Variants in CYP4Z1 observed in about 807,000 individuals in gnomAD.
The protein encoded by CYP4Z1 is cytochrome P450 4Z1.
CYP4Z1 carries 41 observed loss-of-function variants against 54.2 expected under a neutral mutation model. That is an observed-to-expected ratio of 0.76 (90% confidence interval 0.59 to 0.98). CYP4Z1 has a LOEUF of 0.98. Ranked by LOEUF, CYP4Z1 falls within the 50% of genes least tolerant of loss-of-function variation. CYP4Z1 has a pLI of 0.00. For missense variants in CYP4Z1, 513 were observed against 599.0 expected (o/e 0.86, Z 1.50); for synonymous variants, 163 against 206.2 (o/e 0.79, Z 1.79).
At chr1:47,096,083 A>G (rs139819081) in intron 7 of CYP4Z1, among the ~76,000 whole-genome samples, 5,187 of 152,252 alleles carry the variant, frequency 0.034, 275 homozygotes, top group African/African-American at 0.11. Flanking sequence ...TGGATTTGGA[A>G]GTGAAATAGA....
At chr1:47,117,677 A>T in intron 11 of CYP4Z1, 89 bp from the exon 12 acceptor site, 2 of 1,398,162 alleles carry the variant, frequency 1.4e-6, no homozygotes, top group South Asian at 3.5e-5. Context: ...GTTTCCCTAC[A>T]AAAGTCGTCA....
At chr1:47,061,524 A>T in the CYP4Z1 span, among the ~76,000 whole-genome samples, 10,977 of 152,262 alleles carry the variant, frequency 0.072, 516 homozygotes, top group East Asian at 0.22. Context: ...GAGCTTCAAA[A>T]TTGAATGAGT....
At position 47,067,668 on chromosome 1, in the gene CYP4Z1, GTAAGAGGAGAAAAT is replaced by G; in HGVS notation, c.177+4_177+17del. The stretch of plus-strand genomic sequence containing the variant: ...CCACTGGTTCTATGGCCACAAGGAG[GTAAGAGGAGAAAAT>G]TAGTTGGGGAGGTTAAGGGACAGAA... On this transcript the variant is annotated splice_donor_variant and splice_donor_5th_base_variant and intron_variant, in intron 1 of 11. Coordinates refer to ENST00000334194, the MANE Select transcript of CYP4Z1 (RefSeq NM_178134.3). LOFTEE classifies it high-confidence loss of function. The G allele has an allele frequency of 6.3e-7, 1 of 1,594,268 alleles. No individual in the cohort carries two copies.
intron 7 of CYP4Z1, among the ~76,000 whole-genome samples, chr1:47,097,676 C>G (rs1644688120): frequency 6.6e-6 from 1 of 152,032 alleles, no homozygotes; most frequent in Non-Finnish European, 1.5e-5. Context: ...TGTGTCTGTT[C>G]TTGTACCAGT....
upstream of CYP4Z1, among the ~76,000 whole-genome samples, chr1:47,062,668 C>T (rs978621640): frequency 3.3e-5 from 5 of 152,156 alleles, no homozygotes; most frequent in African/African-American, 9.6e-5. Context: ...CACCCCCATC[C>T]CCCACAACAG....
chr1:47,069,288 A>G (rs1644474955), intron 2 of CYP4Z1, among the ~76,000 whole-genome samples: 1 of 152,272 alleles, frequency 6.6e-6, no homozygotes. Flanking sequence ...TGGCCGTGGC[A>G]AGATGTGTGT....
At chr1:47,110,143 GC>G (rs1644783346) in intron 9 of CYP4Z1, among the ~76,000 whole-genome samples, 1 of 123,752 alleles carries the variant, frequency 8.1e-6, no homozygotes, top group African/African-American at 3.2e-5. Flanking sequence ...TCCCTCAATA[GC>G]CAATAACAGA....
chr1:47,073,760 G>A (rs1191364670), intron 2 of CYP4Z1, among the ~76,000 whole-genome samples: 1 of 151,358 alleles, frequency 6.6e-6, no homozygotes, highest in African/African-American at 2.4e-5. Flanking sequence ...CTTTGGAGAT[G>A]TCTATTCAAG....
rs1042047771 is a variant in CYP4Z1, at chr1:47,116,169, T to G, written c.1267-481T>G. Among the ~76,000 whole-genome samples the G allele has an allele frequency of 6.8e-4, 103 of 152,176 alleles. 1 individual carries two copies. The highest frequency in any genetic ancestry group is 1.9e-3 in the South Asian group (9 of 4,808). ...CTAATCGGCAGCCTCTCACAGAGACTTTCGGGCAGAAGCTGAACAACTTCA... is the reference window on the plus strand; with the variant it reads ...CTAATCGGCAGCCTCTCACAGAGACGTTCGGGCAGAAGCTGAACAACTTCA... On this transcript the variant is annotated intron_variant, in intron 10 of 11. Transcript: ENST00000334194.
intron 2 of CYP4Z1, among the ~76,000 whole-genome samples, chr1:47,077,117 G>A (rs980703311): frequency 6.6e-6 from 1 of 151,768 alleles, no homozygotes; most frequent in Admixed American, 6.6e-5. Context: ...TGTTGTTCAA[G>A]TTCTCTATTT....
intron 1 of CYP4Z1, 51 bp downstream of exon 1, chr1:47,067,718 T>G: frequency 6.7e-7 from 1 of 1,493,760 alleles, no homozygotes; most frequent in Non-Finnish European, 9.0e-7. Context: ...AGATGAGGTA[T>G]TAAAAAAAAA....
At chr1:47,086,152 A>G (rs1644592791) in intron 6 of CYP4Z1, among the ~76,000 whole-genome samples, 1 of 152,286 alleles carries the variant, frequency 6.6e-6, no homozygotes, top group Non-Finnish European at 1.5e-5. Flanking sequence ...CACAGTAAAC[A>G]CACGTGTGCA....
chr1:47,057,367 T>A, the CYP4Z1 span, among the ~76,000 whole-genome samples: 86 of 119,092 alleles, frequency 7.2e-4, 1 homozygote, highest in Admixed American at 3.6e-3. Flanking sequence ...TATATATATA[T>A]ATATATATAT....
rs1020313144 is a variant in CYP4Z1 at position 47,067,301 on chromosome 1, G to A, written c.-190G>A. On this transcript the variant is annotated 5_prime_UTR_variant, in exon 1 of 12. Coordinates refer to ENST00000334194, the MANE Select transcript of CYP4Z1 (RefSeq NM_178134.3). ...TGTTCTTCTAGAATCCAGGTCTGCTGGCCAACATCTCAGCAGTTTTCACCC... is the reference window on the plus strand; with the variant it reads ...TGTTCTTCTAGAATCCAGGTCTGCTAGCCAACATCTCAGCAGTTTTCACCC... Among the ~76,000 whole-genome samples the A allele has an allele frequency of 6.6e-6, 1 of 152,168 alleles. No individual in the cohort carries two copies. The highest frequency in any genetic ancestry group is 2.4e-5 in the African/African-American group (1 of 41,444).
At chr1:47,057,862 G>A in the CYP4Z1 span, among the ~76,000 whole-genome samples, 3 of 151,626 alleles carry the variant, frequency 2.0e-5, no homozygotes, top group Admixed American at 1.3e-4. Context: ...CTGTTTCTTT[G>A]TATGGCTAGT....
At chr1:47,076,294 C>T (rs1256312517) in intron 2 of CYP4Z1, among the ~76,000 whole-genome samples, 3 of 151,388 alleles carry the variant, frequency 2.0e-5, no homozygotes, top group Non-Finnish European at 4.4e-5. Flanking sequence ...TTTACCTCAG[C>T]TCTAATCTTT....
At chr1:47,117,685 T>C in intron 11 of CYP4Z1, 81 bp from the exon 12 acceptor site, 1 of 1,432,744 alleles carries the variant, frequency 7.0e-7, no homozygotes, top group Non-Finnish European at 9.3e-7. Flanking sequence ...ACAAAAGTCG[T>C]CATATATAAA....
intron 8 of CYP4Z1, among the ~76,000 whole-genome samples, chr1:47,100,203 A>T (rs1644711319): frequency 6.6e-6 from 1 of 152,114 alleles, no homozygotes; most frequent in Non-Finnish European, 1.5e-5. Context: ...GGTCATTTTC[A>T]TTCCTCTATG....
chr1:47,086,044 T>C lies in CYP4Z1; in HGVS notation c.772+1066T>C, dbSNP rs1644591937. Among the ~76,000 whole-genome samples the C allele has an allele frequency of 2.0e-5, 3 of 152,080 alleles. 1 individual carries two copies. The South Asian group carries it at 6.2e-4, about 32-fold the overall frequency. Reference sequence around the variant, plus strand: ...GAACTCATCCTTTTTTATGGCTGCATAGTATTCCATGGTGTATATGTGCCA... The same window carrying C: ...GAACTCATCCTTTTTTATGGCTGCACAGTATTCCATGGTGTATATGTGCCA... On this transcript the variant is annotated intron_variant, in intron 6 of 11. Coordinates refer to ENST00000334194, the MANE Select transcript of CYP4Z1 (RefSeq NM_178134.3).
Sources: allele counts gnomAD v4.1 joint callset (sites outside exome capture counted in the v4.1 genomes callset), GRCh38; gene constraint gnomAD v4.1.1; transcripts MANE v1.5; gene names NCBI Gene and HGNC (gene_info 2026-07-23, HGNC 2026-07-21).